The following DGKB variants were observed in gnomAD, a reference collection of about 807,000 sequenced individuals.
DGKB encodes 90 kDa diacylglycerol kinase.
In DGKB, 67 loss-of-function variants were observed where a neutral mutation model predicts 114.3. That is an observed-to-expected ratio of 0.59 (90% CI 0.48 to 0.72). DGKB has a LOEUF of 0.72. Ranked by LOEUF, DGKB falls within the 30% of genes least tolerant of loss-of-function variation. DGKB has a pLI of 0.00. For missense variants in DGKB, 907 were observed against 975.2 expected (o/e 0.93, Z 0.93); for synonymous variants, 398 against 323.1 (o/e 1.23, Z -2.49).
At chr7:14,405,367 C>T (rs1823776475) in intron 21 of DGKB, among the ~76,000 whole-genome samples, 1 of 151,994 alleles carries the variant, frequency 6.6e-6, no homozygotes, top group South Asian at 2.1e-4. Context: ...AATCTTATGA[C>T]TTCTGAAATA....
chr7:14,650,817 C>A (rs1249840713), intron 13 of DGKB, among the ~76,000 whole-genome samples: 3 of 147,088 alleles, frequency 2.0e-5, no homozygotes, highest in Non-Finnish European at 4.5e-5. Context: ...AAGGGGATAT[C>A]ACCACAGATC....
intron 8 of DGKB, among the ~76,000 whole-genome samples, 180 bp from the exon 9 acceptor site, chr7:14,694,374 G>C (rs1823445436): frequency 6.6e-6 from 1 of 152,138 alleles, no homozygotes. Context: ...TTCTAAACCT[G>C]GCCACTTAAC....
intron 13 of DGKB, 93 bp from the exon 14 acceptor site, chr7:14,630,361 A>C: frequency 1.3e-6 from 1 of 775,338 alleles, no homozygotes; most frequent in Non-Finnish European, 2.0e-6. Flanking sequence ...TGCCTGTGAA[A>C]TAAATGAGTA....
Position 14,216,618 on chromosome 7 carries a change from C to T in DGKB, c.2123-38467G>A, listed in dbSNP as rs556706509. 1.6e-3 allele frequency among the ~76,000 whole-genome samples: 242 copies of T among 149,228 alleles called. 2 individuals carry two copies. The highest frequency in any genetic ancestry group is 4.0e-3 in the Admixed American group (59 of 14,668). ...GTGGGTGCCTGTAATCCCAGCTACCCGGGAGGCTGAAGCAGGAGAATCACT... is the reference window on the plus strand; with the variant it reads ...GTGGGTGCCTGTAATCCCAGCTACCTGGGAGGCTGAAGCAGGAGAATCACT... On this transcript the variant is annotated intron_variant, in intron 23 of 25. Transcript: ENST00000402815.
chr7:14,669,996 C>G (rs1262091609), intron 13 of DGKB, among the ~76,000 whole-genome samples: 2 of 152,016 alleles, frequency 1.3e-5, no homozygotes, highest in African/African-American at 4.8e-5. Context: ...TTGTTCCCAC[C>G]TTACAAAATC....
intron 23 of DGKB, among the ~76,000 whole-genome samples, chr7:14,214,221 G>A (rs1378843902): frequency 6.6e-6 from 1 of 151,988 alleles, no homozygotes; most frequent in African/African-American, 2.4e-5. Context: ...CCCTTGACAG[G>A]GCCTACATGC....
At chr7:14,243,622 G>A (rs1047556174) in intron 23 of DGKB, among the ~76,000 whole-genome samples, 5 of 152,038 alleles carry the variant, frequency 3.3e-5, no homozygotes, top group South Asian at 2.1e-4. Context: ...CTTTTTAAAT[G>A]TTTCATTCAG....
chr7:14,829,964 T>G (rs1046920793), intron 2 of DGKB, among the ~76,000 whole-genome samples: 3 of 152,070 alleles, frequency 2.0e-5, no homozygotes, highest in African/African-American at 7.2e-5. Context: ...GGATATCATC[T>G]GATACCTAGG....
At chr7:14,381,610 C>T (rs1819485147) in intron 21 of DGKB, among the ~76,000 whole-genome samples, 1 of 152,114 alleles carries the variant, frequency 6.6e-6, no homozygotes, top group South Asian at 2.1e-4. Flanking sequence ...CCAGTTTCCT[C>T]TTGCTTTGTC....
chr7:14,792,910 A>G (rs979398701), intron 2 of DGKB, among the ~76,000 whole-genome samples: 15 of 152,304 alleles, frequency 9.8e-5, no homozygotes, highest in African/African-American at 3.4e-4. Flanking sequence ...TCGTCAATTA[A>G]TGAACATACA....
At position 14,149,099 on chromosome 7, in the gene DGKB, A is replaced by G. The variant is rs1338443534; in HGVS notation, c.*32T>C. The G allele has an allele frequency of 6.4e-7, 1 of 1,565,826 alleles. No homozygotes were observed. Among genetic ancestry groups the G allele is most frequent in the Non-Finnish European group, 8.8e-7 (1 of 1,136,238 alleles). On this transcript the variant is annotated 3_prime_UTR_variant, in exon 26 of 26. Coordinates refer to ENST00000402815, the MANE Select transcript of DGKB (RefSeq NM_001350709.2). ...ATGTGTTCCATGGCCCAATTATGCT[A>G]ATTCAATTTCTAAGAGTGAAACAAC...
At chr7:14,246,866 A>G (rs988892307) in intron 23 of DGKB, among the ~76,000 whole-genome samples, 12 of 152,160 alleles carry the variant, frequency 7.9e-5, no homozygotes, top group African/African-American at 2.9e-4. Context: ...CACTATTATT[A>G]ACTATACTGC....
intron 20 of DGKB, among the ~76,000 whole-genome samples, chr7:14,524,352 C>T (rs571688920): frequency 9.9e-5 from 15 of 152,242 alleles, no homozygotes; most frequent in African/African-American, 3.6e-4. Flanking sequence ...AGAAGAATAC[C>T]TTTTCCTAGA....
chr7:14,191,366 G>GT (rs1419231840), intron 23 of DGKB: 1 of 157,072 alleles, frequency 6.4e-6, no homozygotes, highest in East Asian at 1.9e-4. Flanking sequence ...CCAATTTCTG[G>GT]TTGGAATTGT....
chr7:14,723,607 A>ATGTGTG (rs1200850979), intron 5 of DGKB, among the ~76,000 whole-genome samples: 20 of 152,212 alleles, frequency 1.3e-4, no homozygotes, highest in African/African-American at 4.1e-4. Flanking sequence ...ACACACATAT[A>ATGTGTG]TATGTGTATG....
chr7:14,757,816 A>G, intron 2 of DGKB, 85 bp from the exon 3 acceptor site: 1 of 651,406 alleles, frequency 1.5e-6, no homozygotes, highest in Non-Finnish European at 2.7e-6. Flanking sequence ...ACCACTTAAA[A>G]TGTAAATAAG....
At chr7:14,760,954 C>T in intron 2 of DGKB, among the ~76,000 whole-genome samples, 1 of 152,178 alleles carries the variant, frequency 6.6e-6, no homozygotes, top group East Asian at 1.9e-4. Context: ...CCAAAAACCT[C>T]TAGATATATG....
intron 1 of DGKB, among the ~76,000 whole-genome samples, chr7:14,866,821 T>C (rs1222644522): frequency 2.0e-5 from 3 of 152,292 alleles, no homozygotes; most frequent in Non-Finnish European, 4.4e-5. Flanking sequence ...TTTTTCAAAG[T>C]GACTACACCA....
intron 20 of DGKB, among the ~76,000 whole-genome samples, chr7:14,536,209 T>A (rs2128606469): frequency 6.6e-6 from 1 of 152,198 alleles, no homozygotes; most frequent in Non-Finnish European, 1.5e-5. Context: ...CACAGGTGAA[T>A]TTTACCAAAC....
Sources: allele counts gnomAD v4.1 joint callset (sites outside exome capture counted in the v4.1 genomes callset), GRCh38; gene constraint gnomAD v4.1.1; transcripts MANE v1.5; gene names NCBI Gene and HGNC (gene_info 2026-07-23, HGNC 2026-07-21).